The following TTC28 variants were observed in gnomAD, a reference collection of about 807,000 sequenced individuals.
TTC28 encodes the protein tetratricopeptide repeat protein 28.
In TTC28, 61 loss-of-function variants were observed where a neutral mutation model predicts 198.0. That is an observed-to-expected ratio of 0.31 (90% CI 0.25 to 0.38). The LOEUF (loss-of-function observed/expected upper bound fraction) is 0.38. TTC28 is among the 10% of genes least tolerant of loss of function. The pLI is 1.00. For synonymous variants in TTC28, 1,171 were observed against 1,297.8 expected (o/e 0.90, Z 2.10); for missense variants, 2,678 against 3,164.0 (o/e 0.85, Z 3.69).
At chr22:28,325,624 G>C (rs971842378) in intron 2 of TTC28, among the ~76,000 whole-genome samples, 2 of 152,072 alleles carry the variant, frequency 1.3e-5, no homozygotes, top group African/African-American at 2.4e-5. Flanking sequence ...TATATACAAA[G>C]AATTGTGAAA....
chr22:28,396,688 C>T (rs1380727593), intron 2 of TTC28, among the ~76,000 whole-genome samples: 3 of 152,206 alleles, frequency 2.0e-5, no homozygotes, highest in Non-Finnish European at 4.4e-5. Context: ...TTTTCTTCCT[C>T]CCTCCCCATC....
intron 2 of TTC28, among the ~76,000 whole-genome samples, chr22:28,448,177 G>A (rs2047729903): frequency 6.6e-6 from 1 of 152,114 alleles, no homozygotes; most frequent in African/African-American, 2.4e-5. Context: ...GTATTTTTAT[G>A]TCTCCTTCAT....
At chr22:28,171,397 G>A (rs765679860) in intron 5 of TTC28, among the ~76,000 whole-genome samples, 22 of 152,142 alleles carry the variant, frequency 1.4e-4, no homozygotes, top group Non-Finnish European at 1.5e-5. Context: ...ATTTTTCTAA[G>A]GGCCTCCTGG....
chr22:28,569,758 ATAGAG>A (rs2146022769), intron 2 of TTC28, among the ~76,000 whole-genome samples: 1 of 152,306 alleles, frequency 6.6e-6, no homozygotes, highest in Non-Finnish European at 1.5e-5. Context: ...GAAACTATCA[ATAGAG>A]TAAACACACA....
intron 2 of TTC28, among the ~76,000 whole-genome samples, chr22:28,597,035 C>T (rs1014267718): frequency 1.3e-5 from 2 of 152,162 alleles, no homozygotes; most frequent in Non-Finnish European, 2.9e-5. Context: ...AAGGGTAATA[C>T]CGAGTCATAC....
At chr22:28,327,356 T>C (rs973451509) in intron 2 of TTC28, among the ~76,000 whole-genome samples, 2 of 152,188 alleles carry the variant, frequency 1.3e-5, no homozygotes, top group African/African-American at 4.8e-5. Context: ...TAACGTGTTA[T>C]CTAATGTTTC....
intron 2 of TTC28, among the ~76,000 whole-genome samples, chr22:28,597,342 C>T (rs2050558205): frequency 6.6e-6 from 1 of 152,142 alleles, no homozygotes; most frequent in African/African-American, 2.4e-5. Context: ...TCCATTTCCC[C>T]ACTTTTCCCA....
intron 5 of TTC28, among the ~76,000 whole-genome samples, chr22:28,239,979 T>C (rs1929550378): frequency 6.6e-6 from 1 of 152,208 alleles, no homozygotes; most frequent in South Asian, 2.1e-4. Flanking sequence ...TAATTGTTTG[T>C]TGTGGGAGCT....
intron 5 of TTC28, among the ~76,000 whole-genome samples, chr22:28,227,422 T>C (rs1446512828): frequency 1.3e-5 from 2 of 152,138 alleles, no homozygotes; most frequent in Non-Finnish European, 2.9e-5. Flanking sequence ...CTTTTGTGTA[T>C]CGAAGGTCAC....
intron 2 of TTC28, among the ~76,000 whole-genome samples, chr22:28,319,496 G>A (rs2045410031): frequency 6.6e-6 from 1 of 152,072 alleles, no homozygotes; most frequent in African/African-American, 2.4e-5. Context: ...TTTATATTAA[G>A]ATAATCCTCT....
chr22:28,432,360 A>T (rs2047446246), intron 2 of TTC28, among the ~76,000 whole-genome samples: 1 of 152,046 alleles, frequency 6.6e-6, no homozygotes. Flanking sequence ...AAATGTATTG[A>T]TTTGTTAATA....
rs1414121891 is a variant in TTC28, at chr22:27,998,927, T to G, written c.4732A>C (p.Thr1578Pro). 6.4e-7 allele frequency: 1 copy of G among 1,550,786 alleles called. No individual in the cohort carries two copies. The highest frequency in any genetic ancestry group is 8.7e-7 in the Non-Finnish European group (1 of 1,146,978). Residue 1578 changes from threonine (T) to proline (P), a missense_variant, in exon 16 of 23, where the codon ACG becomes CCG. By Grantham distance (38) the Thr-to-Pro change is conservative. Around this residue, in one of 8 missense-constraint regions of TTC28, gnomAD observed 727 missense variants for 861.9 expected, o/e 0.84. Coordinates refer to ENST00000397906, the MANE Select transcript of TTC28 (RefSeq NM_001145418.2). ...SSKSSFGHPY[T>P]IPESLRVQDD... ...TGCACCCGCAAGGACTCAGGGATCG[T>G]GTAGGGGTGGCCGAAGGAGCTCTTG...
intron 1 of TTC28, among the ~76,000 whole-genome samples, chr22:28,649,099 G>C (rs2080780557): frequency 6.6e-6 from 1 of 152,164 alleles, no homozygotes; most frequent in Non-Finnish European, 1.5e-5. Flanking sequence ...TTCCATTCCA[G>C]AGTTAGGGAA....
intron 2 of TTC28, among the ~76,000 whole-genome samples, chr22:28,470,995 T>C (rs2048090067): frequency 6.6e-6 from 1 of 152,186 alleles, no homozygotes; most frequent in Admixed American, 6.5e-5. Context: ...ATCAAACCTA[T>C]CTTAGACGCT....
At chr22:28,228,641 A>G (rs546217100) in intron 5 of TTC28, among the ~76,000 whole-genome samples, 429 of 152,130 alleles carry the variant, frequency 2.8e-3, no homozygotes, top group Non-Finnish European at 4.3e-3. Context: ...CAGAGGTTGC[A>G]GTGAGCCGAG....
chr22:28,107,504 G>C lies in TTC28; in HGVS notation c.2341C>G (p.Leu781Val). 1 of 1,551,788 alleles carries C rather than the reference G, an allele frequency of 6.4e-7. No individual in the cohort carries two copies. Among genetic ancestry groups the C allele is most frequent in the Non-Finnish European group, 8.7e-7 (1 of 1,147,030 alleles). ...DKALGYHTQELEVYQELSDLP... is the reference protein window; with the variant it reads ...DKALGYHTQEVEVYQELSDLP... The stretch of plus-strand genomic sequence containing the variant: ...TCACTCAGCTCCTGATATACCTCCA[G>C]TTCCTGTGTGTGATAACCCAGGGCC... Residue 781 changes from leucine to valine, a missense_variant, in exon 7 of 23, where the codon CTG becomes GTG. Around this residue, in one of 8 missense-constraint regions of TTC28, gnomAD observed 775 missense variants for 845.9 expected, o/e 0.92. Transcript: ENST00000397906.
intron 5 of TTC28, among the ~76,000 whole-genome samples, chr22:28,249,034 A>T (rs906332733): frequency 2.0e-5 from 3 of 152,144 alleles, no homozygotes; most frequent in Non-Finnish European, 4.4e-5. Flanking sequence ...TTTGTACTGT[A>T]TTATATAATT....
At chr22:28,225,696 G>A (rs1384511234) in intron 5 of TTC28, among the ~76,000 whole-genome samples, 1 of 152,168 alleles carries the variant, frequency 6.6e-6, no homozygotes, top group Non-Finnish European at 1.5e-5. Flanking sequence ...GTGTACACTT[G>A]TAAAATCACC....
chr22:28,642,433 T>TAA (rs113272911), intron 1 of TTC28, among the ~76,000 whole-genome samples: 27 of 141,436 alleles, frequency 1.9e-4, no homozygotes, highest in East Asian at 6.2e-4. Context: ...GTTTGCCGTT[T>TAA]AAAAAAAAAA....
Sources: allele counts gnomAD v4.1 joint callset (sites outside exome capture counted in the v4.1 genomes callset), GRCh38; gene constraint gnomAD v4.1.1; regional missense constraint gnomAD v4.1.1; transcripts MANE v1.5; gene names NCBI Gene and HGNC (gene_info 2026-07-23, HGNC 2026-07-21).